Variants in RBMS3 observed in about 807,000 individuals in gnomAD.
RBMS3 encodes RNA-binding motif, single-stranded-interacting protein 3.
In RBMS3, 27 loss-of-function variants were observed where a neutral mutation model predicts 66.8. The ratio of observed to expected loss-of-function variants is 0.40; its 90% CI spans 0.30 to 0.56. The LOEUF (loss-of-function observed/expected upper bound fraction) is 0.56, where lower values mean the gene tolerates loss of function less well. Among genes scored for constraint, RBMS3 ranks in the 20% least tolerant of loss-of-function variants. The probability of loss-of-function intolerance (pLI) is 0.40; values close to 1 mark genes in which losing one functional copy is unlikely to be tolerated. For synonymous variants in RBMS3, 188 were observed against 183.0 expected, an observed-to-expected ratio of 1.03 and a Z score of -0.22; for missense variants, 513 against 549.5, an observed-to-expected ratio of 0.93 and a Z score of 0.66.
chr3:29,653,046 T>G (rs766611251), intron 4 of RBMS3, among the ~76,000 whole-genome samples: 2 of 152,148 alleles, frequency 1.3e-5, no homozygotes, highest in Non-Finnish European at 2.9e-5. Flanking sequence ...ACTGGAGATA[T>G]TGATGGGAAA....
chr3:29,400,941 AG>A (rs1223916444), intron 1 of RBMS3, among the ~76,000 whole-genome samples: 1 of 152,078 alleles, frequency 6.6e-6, no homozygotes, highest in Non-Finnish European at 1.5e-5. Context: ...AAGAATATTG[AG>A]GTAAAAATGT....
intron 10 of RBMS3, chr3:29,924,842 A>G (rs2060889319): frequency 7.0e-6 from 1 of 142,560 alleles, no homozygotes; most frequent in Non-Finnish European, 1.5e-5. Flanking sequence ...TCTCAGGAAA[A>G]AAAGAAAAAA....
At chr3:29,311,012 ATAT>A (rs2034340868) in intron 1 of RBMS3, among the ~76,000 whole-genome samples, 2 of 151,824 alleles carry the variant, frequency 1.3e-5, no homozygotes, top group Non-Finnish European at 2.9e-5. Flanking sequence ...CTGATGTTTT[ATAT>A]CAATAGTGCC....
Position 30,007,825 on chromosome 3 carries a change from A to C in RBMS3, c.*3963A>C, listed in dbSNP as rs1699845549. 6.6e-6 allele frequency: 1 copy of C among 152,064 alleles called. No individual in the cohort carries two copies. Among genetic ancestry groups the C allele is most frequent in the African/African-American group, 2.4e-5 (1 of 41,430 alleles). The allele number at this position is 152,064 out of a possible 1,614,324, so 9.4% of individuals were successfully genotyped here. On this transcript the variant is annotated 3_prime_UTR_variant, in exon 15 of 15. Coordinates refer to ENST00000383767, the MANE Select transcript of RBMS3 (RefSeq NM_001003793.3). ...AATGTTACCTCCAAATTTCACTTGA[A>C]TTACTTCCTCCTGTGACCTTAGCAG...
intron 4 of RBMS3, among the ~76,000 whole-genome samples, chr3:29,726,327 C>CTATTCAGCA (rs2149328656): frequency 6.6e-6 from 1 of 152,208 alleles, no homozygotes; most frequent in East Asian, 1.9e-4. Flanking sequence ...CTCACCACTC[C>CTATTCAGCA]TATTCAGCAT....
At chr3:29,897,600 T>A in intron 9 of RBMS3, 125 bp downstream of exon 9, 1 of 799,802 alleles carries the variant, frequency 1.3e-6, no homozygotes, top group Non-Finnish European at 2.1e-6. Flanking sequence ...CATCTTAATG[T>A]AATAATACTC....
intron 1 of RBMS3, among the ~76,000 whole-genome samples, chr3:29,364,151 A>T (rs746879655): frequency 6.6e-6 from 1 of 152,162 alleles, no homozygotes; most frequent in Non-Finnish European, 1.5e-5. Context: ...TATAGAACAG[A>T]TGCGTATATG....
chr3:29,524,032 C>A (rs2044975623), intron 3 of RBMS3, among the ~76,000 whole-genome samples: 1 of 152,098 alleles, frequency 6.6e-6, no homozygotes, highest in South Asian at 2.1e-4. Flanking sequence ...GCCCCTGCGC[C>A]CAGCCCATAA....
rs577711187 is a variant in RBMS3, at chr3:30,003,948, C to T, written c.*86C>T. 7.0e-6 allele frequency: 8 copies of T among 1,139,018 alleles called. No homozygotes were observed. Among genetic ancestry groups the T allele is most frequent in the Admixed American group, 2.8e-5 (1 of 35,278 alleles). The allele number at this position is 1,139,018 out of a possible 1,614,324, so 70.6% of individuals were successfully genotyped here. On this transcript the variant is annotated 3_prime_UTR_variant, in exon 15 of 15. Coordinates refer to ENST00000383767, the MANE Select transcript of RBMS3 (RefSeq NM_001003793.3). ...GAAGTTGGCTTCCAGTTTGCACAGA[C>T]GTCAATGGAATGCATTTTTTTGTTG...
At chr3:29,667,132 A>C (rs142925150) in intron 4 of RBMS3, among the ~76,000 whole-genome samples, 1 of 152,336 alleles carries the variant, frequency 6.6e-6, no homozygotes, top group East Asian at 1.9e-4. Flanking sequence ...CCCCAAATAA[A>C]TTGTAAAGAT....
intron 6 of RBMS3, among the ~76,000 whole-genome samples, chr3:29,773,630 T>C (rs1260663646): frequency 2.0e-5 from 3 of 151,914 alleles, no homozygotes; most frequent in Non-Finnish European, 1.5e-5. Context: ...GCTCCCGGAG[T>C]GTTTGCCCGT....
rs546713987 is a variant in RBMS3, at chr3:29,486,772, G to A, written c.249-1669G>A. ...GAAATCCACTATGAAACACAGTAAT[G>A]TTTAATTTCATATTTAAGACAGAGC... is the stretch of plus-strand genomic sequence containing the variant. On this transcript the variant is annotated intron_variant, in intron 2 of 14. Coordinates refer to ENST00000383767, the MANE Select transcript of RBMS3 (RefSeq NM_001003793.3). 4.6e-5 allele frequency among the ~76,000 whole-genome samples: 7 copies of A among 152,202 alleles called. No individual in the cohort carries two copies. The East Asian group carries it at 7.7e-4, about 17-fold the overall frequency.
At chr3:29,959,586 C>G (rs1374385945) in intron 12 of RBMS3, among the ~76,000 whole-genome samples, 3 of 152,090 alleles carry the variant, frequency 2.0e-5, no homozygotes, top group Non-Finnish European at 2.9e-5. Context: ...ATGATTAAAA[C>G]AGTGGGAGGT....
chr3:29,805,671 C>A lies in RBMS3; in HGVS notation c.637+42682C>A, dbSNP rs887585910. Among the ~76,000 whole-genome samples the A allele has an allele frequency of 2.0e-5, 3 of 151,988 alleles. No homozygotes were observed. The East Asian group carries it at 5.8e-4, about 29-fold the overall frequency. On this transcript the variant is annotated intron_variant, in intron 6 of 14. Coordinates refer to ENST00000383767, the MANE Select transcript of RBMS3 (RefSeq NM_001003793.3). ...AAATACTAATTTTAAAAATAGAAAA[C>A]CACTTATGGAATAAGGATATTAAGA...
intron 6 of RBMS3, among the ~76,000 whole-genome samples, chr3:29,815,970 G>C (rs1441628547): frequency 6.6e-6 from 1 of 151,844 alleles, no homozygotes; most frequent in African/African-American, 2.4e-5. Flanking sequence ...AAGAAGAGAG[G>C]GTTATGAGTA....
chr3:29,563,459 A>G (rs1282545701), intron 3 of RBMS3, among the ~76,000 whole-genome samples: 3 of 152,200 alleles, frequency 2.0e-5, no homozygotes, highest in African/African-American at 7.2e-5. Flanking sequence ...GTGGGTAAAG[A>G]CACTGTAGAG....
At chr3:29,356,332 T>C (rs1205486120) in intron 1 of RBMS3, among the ~76,000 whole-genome samples, 1 of 152,192 alleles carries the variant, frequency 6.6e-6, no homozygotes, top group East Asian at 1.9e-4. Context: ...GGGAAAATAC[T>C]TTTGTTCTAT....
intron 4 of RBMS3, among the ~76,000 whole-genome samples, chr3:29,704,705 A>T (rs1357362006): frequency 6.6e-6 from 1 of 152,182 alleles, no homozygotes; most frequent in Admixed American, 6.5e-5. Context: ...TTAAATGTTG[A>T]TACTAGTTTT....
intron 1 of RBMS3, among the ~76,000 whole-genome samples, chr3:29,292,365 T>A (rs545006969): frequency 1.3e-5 from 2 of 151,980 alleles, no homozygotes; most frequent in South Asian, 2.1e-4. Flanking sequence ...TATTTAATTT[T>A]ATTTTACTTT....
Sources: gnomAD v4.1 joint callset for allele counts (sites outside exome capture counted in the v4.1 genomes callset) on GRCh38, gnomAD v4.1.1 for gene constraint, MANE v1.5 for transcripts, NCBI Gene and HGNC (gene_info 2026-07-23, HGNC 2026-07-21) for gene names.